Variants in KIR3DL2 observed in about 807,000 individuals in gnomAD.
KIR3DL2 encodes the protein killer cell immunoglobulin like receptor, three Ig domains and long cytoplasmic tail 2.
In KIR3DL2, 42 loss-of-function variants were observed where a neutral mutation model predicts 41.6. The observed-to-expected ratio is 1.01, with a 90% CI of 0.79 to 1.31. The LOEUF (loss-of-function observed/expected upper bound fraction) is 1.31, where lower values mean the gene tolerates loss of function less well. KIR3DL2 is among the 50% of genes most tolerant of loss of function. The probability of loss-of-function intolerance (pLI) is 0.00; values close to 1 mark genes in which losing one functional copy is unlikely to be tolerated. For missense variants in KIR3DL2, 728 were observed against 576.8 expected (o/e 1.26, Z -2.68); for synonymous variants, 230 against 221.3 (o/e 1.04, Z -0.35).
intron 3 of KIR3DL2, 38 bp from the exon 4 acceptor site, chr19:54,853,709 A>G: frequency 6.3e-7 from 1 of 1,598,358 alleles, no homozygotes; most frequent in Non-Finnish European, 8.5e-7. Context: ...GGGATGATAA[A>G]GAGAGATGCC....
At chr19:54,853,678 C>T in intron 3 of KIR3DL2, 69 bp from the exon 4 acceptor site, 1 of 1,550,012 alleles carries the variant, frequency 6.5e-7, no homozygotes, top group East Asian at 2.3e-5. Flanking sequence ...GGAACCCTCA[C>T]TCATTCCAGG....
At chr19:54,863,476 T>C (rs1281311235) in intron 6 of KIR3DL2, among the ~76,000 whole-genome samples, 3 of 152,196 alleles carry the variant, frequency 2.0e-5, no homozygotes, top group Non-Finnish European at 4.4e-5. Flanking sequence ...CCACCAACAG[T>C]GTAAAAGTGT....
chr19:54,854,742 C>T (rs2064597452), intron 4 of KIR3DL2, among the ~76,000 whole-genome samples: 1 of 151,632 alleles, frequency 6.6e-6, no homozygotes, highest in Non-Finnish European at 1.5e-5. Context: ...GACTCACAGA[C>T]ACACAAAAAG....
chr19:54,854,914 A>G (rs1245687906), intron 4 of KIR3DL2, among the ~76,000 whole-genome samples: 2 of 151,694 alleles, frequency 1.3e-5, no homozygotes, highest in African/African-American at 4.9e-5. Context: ...GAGGCAGAGA[A>G]AGACAAGGAG....
chr19:54,855,583 G>C, intron 4 of KIR3DL2, 36 bp from the exon 5 acceptor site: 1 of 1,603,116 alleles, frequency 6.2e-7, no homozygotes, highest in Non-Finnish European at 8.5e-7. Flanking sequence ...TGACAAGGAA[G>C]AACCTCCCTG....
intron 6 of KIR3DL2, among the ~76,000 whole-genome samples, chr19:54,862,653 G>T (rs578105082): frequency 1.3e-5 from 2 of 151,992 alleles, no homozygotes; most frequent in Non-Finnish European, 2.9e-5. Flanking sequence ...GCCACAGGAA[G>T]CACTCAGCTA....
intron 6 of KIR3DL2, among the ~76,000 whole-genome samples, chr19:54,863,474 A>G (rs2065314700): frequency 6.6e-6 from 1 of 152,086 alleles, no homozygotes; most frequent in Admixed American, 6.5e-5. Context: ...TCCCACCAAC[A>G]GTGTAAAAGT....
At chr19:54,859,427 G>T (rs1330663767) in intron 6 of KIR3DL2, among the ~76,000 whole-genome samples, 2 of 152,078 alleles carry the variant, frequency 1.3e-5, no homozygotes, top group African/African-American at 4.8e-5. Context: ...CTAACTGGAG[G>T]ATAAATTCCC....
rs376801942 is a variant in KIR3DL2, at chr19:54,865,920, C to T, written c.1105+11C>T. On this transcript the variant is annotated intron_variant, in intron 7 of 8. Coordinates refer to ENST00000326321, the MANE Select transcript of KIR3DL2 (RefSeq NM_006737.4). The stretch of plus-strand genomic sequence containing the variant: ...GCTCCAACAAAAAGAGTAAGTCTCA[C>T]GAAGCAGAGGCCAGAGAGCTCAGGG... 2.6e-5 allele frequency: 42 copies of T among 1,604,708 alleles called. No homozygotes were observed. The highest frequency in any genetic ancestry group is 1.8e-4 in the Admixed American group (11 of 59,888).
intron 1 of KIR3DL2, among the ~76,000 whole-genome samples, chr19:54,850,836 A>G (rs1391202445): frequency 5.1e-5 from 2 of 39,234 alleles, no homozygotes; most frequent in African/African-American, 2.0e-4. Flanking sequence ...TATGGGTCTG[A>G]TGTGGAGATA....
intron 6 of KIR3DL2, 85 bp from the exon 7 acceptor site, chr19:54,865,720 G>T (rs1406656333): frequency 4.1e-6 from 5 of 1,209,968 alleles, no homozygotes; most frequent in South Asian, 3.7e-5. Flanking sequence ...TGTTCCATGT[G>T]GTTACCTGTC....
chr19:54,852,503 C>T (rs557364654), intron 3 of KIR3DL2, among the ~76,000 whole-genome samples: 5 of 151,602 alleles, frequency 3.3e-5, no homozygotes, highest in African/African-American at 1.2e-4. Context: ...TGTTATAGGG[C>T]AGGGGACTGA....
intron 6 of KIR3DL2, among the ~76,000 whole-genome samples, chr19:54,862,581 C>T (rs2065249540): frequency 1.3e-5 from 2 of 152,002 alleles, no homozygotes; most frequent in East Asian, 3.9e-4. Flanking sequence ...ATGGAGTCAC[C>T]TCATTTGCAG....
At chr19:54,852,926 A>C (rs1179953445) in intron 3 of KIR3DL2, among the ~76,000 whole-genome samples, 3 of 151,024 alleles carry the variant, frequency 2.0e-5, no homozygotes, top group Non-Finnish European at 4.4e-5. Context: ...CGACACAGGA[A>C]CCCAGGTCAA....
chr19:54,853,664 G>C (rs1240921820), intron 3 of KIR3DL2, 83 bp from the exon 4 acceptor site: 17 of 1,501,842 alleles, frequency 1.1e-5, no homozygotes. Context: ...AGACCTCTGG[G>C]AGGGGAACCC....
intron 4 of KIR3DL2, among the ~76,000 whole-genome samples, chr19:54,854,313 T>A (rs1238093917): frequency 2.0e-5 from 3 of 151,760 alleles, no homozygotes; most frequent in Non-Finnish European, 4.4e-5. Context: ...GACAGACATG[T>A]GCCAGAGAGA....
At position 54,855,723 on chromosome 19, in the gene KIR3DL2, C is replaced by A. The variant is rs2064700892; in HGVS notation, c.760C>A (p.His254Asn). 6 of 1,613,454 alleles carry A rather than the reference C, an allele frequency of 3.7e-6. No homozygotes were observed. In the Admixed American group the frequency reaches 6.7e-5, roughly 18 times the overall value. ...CTCCTGGAGCTCCTATGACATCTAC[C>A]ATCTGTCCAGGGAAGGGGAGGCCCA... is the stretch of plus-strand genomic sequence containing the variant. ...CSSWSSYDIYHLSREGEAHER... is the reference protein window; with the variant it reads ...CSSWSSYDIYNLSREGEAHER... Residue 254 changes from histidine (H) to asparagine (N), a missense_variant, in exon 5 of 9, where the codon CAT becomes AAT. By Grantham distance (68) the His-to-Asn change is moderately conservative (BLOSUM62 1). Coordinates refer to ENST00000326321, the MANE Select transcript of KIR3DL2 (RefSeq NM_006737.4).
At position 54,866,716 on chromosome 19, in the gene KIR3DL2, T is replaced by TG. The variant is rs1225282441; in HGVS notation, c.1354dup (p.Glu452GlyfsTer44). Reference sequence around the variant, plus strand: ...GCCCACGAGCACCACAGTCAGGTCTTGAGGGGGTTTTCTAGGGAGACAACA... The same window carrying TG: ...GCCCACGAGCACCACAGTCAGGTCTTGGAGGGGGTTTTCTAGGGAGACAACA... On this transcript the variant is annotated frameshift_variant, in exon 9 of 9. Coordinates refer to ENST00000326321, the MANE Select transcript of KIR3DL2 (RefSeq NM_006737.4). LOFTEE classifies it high-confidence loss of function. The TG allele has an allele frequency of 6.2e-7, 1 of 1,613,752 alleles. No homozygotes were observed. The highest frequency in any genetic ancestry group is 1.3e-5 in the African/African-American group (1 of 74,912).
At position 54,851,994 on chromosome 19, in the gene KIR3DL2, C is replaced by G. The variant is rs1420263733; in HGVS notation, c.71-4C>G. On this transcript the variant is annotated splice_polypyrimidine_tract_variant and splice_region_variant and intron_variant, in intron 2 of 8. Coordinates refer to ENST00000326321, the MANE Select transcript of KIR3DL2 (RefSeq NM_006737.4). ...CTCTAAGGCAGTGCCTCCTTCTCCC[C>G]CAGGTGGTCAGGACAAACCCTTCCT... 2.5e-6 allele frequency: 4 copies of G among 1,608,692 alleles called. No homozygotes were observed. Among genetic ancestry groups the G allele is most frequent in the Non-Finnish European group, 3.4e-6 (4 of 1,177,016 alleles).
Sources: gnomAD v4.1 joint callset for allele counts (sites outside exome capture counted in the v4.1 genomes callset) on GRCh38, gnomAD v4.1.1 for gene constraint, MANE v1.5 for transcripts, NCBI Gene and HGNC (gene_info 2026-07-23, HGNC 2026-07-21) for gene names.